Variants in LRRC4B observed in about 807,000 individuals in gnomAD.
LRRC4B encodes the protein leucine-rich repeat-containing protein 4B.
Under a neutral mutation model 7.3 loss-of-function variants are expected in LRRC4B, and 1 was observed. The ratio of observed to expected loss-of-function variants is 0.14; its 90% confidence interval spans 0.05 to 0.65. LRRC4B has a LOEUF of 0.65. LRRC4B is among the 30% of genes least tolerant of loss of function. The pLI, the probability that LRRC4B is intolerant of heterozygous loss-of-function variation, is 0.84. For synonymous variants in LRRC4B, 500 were observed against 499.2 expected, an observed-to-expected ratio of 1.00 and a Z score of -0.02; for missense variants, 730 against 1,041.6, an observed-to-expected ratio of 0.70 and a Z score of 4.12.
At position 50,548,932 on chromosome 19, in the gene LRRC4B, T is replaced by G. The variant is rs11880112; in HGVS notation, c.-35-59A>C. The G allele has an allele frequency of 9.7e-6, 9 of 931,924 alleles. No individual in the cohort carries two copies. The highest frequency in any genetic ancestry group is 1.7e-5 in the African/African-American group (1 of 59,258). The allele number at this position is 931,924 out of a possible 1,614,324, so 57.7% of individuals were successfully genotyped here. A position where few individuals can be genotyped will look rare whatever the true frequency, so the allele number is the denominator to read the frequency against. ...GTGAGGGACAGGAGCCCATGTGGCCTGGGTGCTTGCCAACACCCAGGCAGC... is the reference window on the plus strand; with the variant it reads ...GTGAGGGACAGGAGCCCATGTGGCCGGGGTGCTTGCCAACACCCAGGCAGC... On this transcript the variant is annotated intron_variant, in intron 1 of 2. Coordinates refer to ENST00000652263, the MANE Select transcript of LRRC4B (RefSeq NM_001080457.2). The surrounding 1 kb of genome is among the most constrained non-coding windows in gnomAD (Gnocchi z 6.8).
intron 2 of LRRC4B, among the ~76,000 whole-genome samples, chr19:50,536,542 G>A (rs1055346163): frequency 6.6e-6 from 1 of 152,154 alleles, no homozygotes; most frequent in Non-Finnish European, 1.5e-5. Context: ...CACACACTAG[G>A]TGCTCAATAA....
intron 2 of LRRC4B, among the ~76,000 whole-genome samples, chr19:50,535,445 T>TA (rs2122843537): frequency 1.3e-5 from 2 of 152,340 alleles, no homozygotes; most frequent in South Asian, 4.1e-4. Flanking sequence ...GTGCTGGGAT[T>TA]ACAGACGTGA....
In LRRC4B at chr19:50,518,316, C is replaced by A. The variant is rs1323079796; in HGVS notation, c.1397G>T (p.Ser466Ile). 1 of 1,605,858 alleles carries A rather than the reference C, an allele frequency of 6.2e-7. No homozygotes were observed. The highest frequency in any genetic ancestry group is 8.5e-7 in the Non-Finnish European group (1 of 1,177,056). Residue 466 changes from serine to isoleucine, a missense_variant, in exon 3 of 3, where the codon AGC (serine) becomes ATC (isoleucine). Ser to Ile is a moderately radical substitution (Grantham distance 142). Transcript: ENST00000652263. ...VDPVAAGGTG[S>I]GGGGPGGSGG... The stretch of plus-strand genomic sequence containing the variant: ...ACTGCCCCCAGGGCCGCCCCCGCCG[C>A]TGCCGGTGCCCCCGGCCGCCACGGG...
intron 2 of LRRC4B, among the ~76,000 whole-genome samples, chr19:50,536,308 AT>A (rs1444431644): frequency 6.6e-6 from 1 of 151,928 alleles, no homozygotes; most frequent in African/African-American, 2.4e-5. Context: ...TAATTTTTGT[AT>A]TTTTAGTAGA....
At chr19:50,527,806 A>T (rs1483309596) in intron 2 of LRRC4B, among the ~76,000 whole-genome samples, 2 of 138,434 alleles carry the variant, frequency 1.4e-5, no homozygotes, top group Non-Finnish European at 3.0e-5. Flanking sequence ...CGGTGGCACG[A>T]TCTCAGCTCA....
rs1323118272 is a variant in LRRC4B at position 50,553,001 on chromosome 19, C to T, written c.-35-4128G>A. Among the ~76,000 whole-genome samples the T allele has an allele frequency of 6.6e-6, 1 of 152,218 alleles. No homozygotes were observed. The highest frequency in any genetic ancestry group is 1.5e-5 in the Non-Finnish European group (1 of 68,038). ...GCTTATTCTCCCAAGCTGCAGTTCC[C>T]TCCACTGTGAAACAGGGATAATGGG... is the stretch of plus-strand genomic sequence containing the variant. On this transcript the variant is annotated intron_variant, in intron 1 of 2. Coordinates refer to ENST00000652263, the MANE Select transcript of LRRC4B (RefSeq NM_001080457.2). This position sits in a 1 kb window ranked among gnomAD's most constrained non-coding sequence, Gnocchi z 4.2.
At chr19:50,538,554 G>A (rs958726138) in intron 2 of LRRC4B, among the ~76,000 whole-genome samples, 1 of 119,856 alleles carries the variant, frequency 8.3e-6, no homozygotes, top group African/African-American at 3.1e-5. Flanking sequence ...TTTGGGTTTT[G>A]TCTTGTTTTT....
intron 2 of LRRC4B, among the ~76,000 whole-genome samples, chr19:50,540,910 G>A (rs1478122717): frequency 2.6e-5 from 4 of 151,870 alleles, no homozygotes; most frequent in Admixed American, 2.0e-4. Flanking sequence ...CCGGCCGGGC[G>A]TGGTGGCTCA....
intron 1 of LRRC4B, among the ~76,000 whole-genome samples, chr19:50,562,406 A>G (rs932526526): frequency 5.9e-5 from 9 of 152,218 alleles, no homozygotes; most frequent in Non-Finnish European, 1.3e-4. Context: ...AAAAATCCAC[A>G]TAAGAGACTG....
At position 50,517,966 on chromosome 19, in the gene LRRC4B, C is replaced by T; in HGVS notation, c.1747G>A (p.Val583Met). ...ACCGCGGCCATGAACGTGATGGCCA[C>T]GAAGCAGCCGATGATGATTTTGGTG... is the stretch of plus-strand genomic sequence containing the variant. ...KTTKIIIGCF[V>M]AITFMAAVML... The change falls in exon 3 of 3, where the codon GTG becomes ATG. Residue 583 changes from valine (V) to methionine (M), a missense_variant. By Grantham distance (21) the Val-to-Met change is conservative. Around this residue, in one of 6 missense-constraint regions of LRRC4B, gnomAD observed 4 missense variants for 24.1 expected, o/e 0.17. Transcript: ENST00000652263. This position sits in a 1 kb window ranked among gnomAD's most constrained non-coding sequence, Gnocchi z 6.6. 1 of 1,542,448 alleles carries T rather than the reference C, an allele frequency of 6.5e-7. No homozygotes were observed.
intron 2 of LRRC4B, among the ~76,000 whole-genome samples, chr19:50,542,364 C>G (rs1981588193): frequency 6.6e-6 from 1 of 152,184 alleles, no homozygotes; most frequent in Non-Finnish European, 1.5e-5. Context: ...GAGGCAGTCT[C>G]CTGGCCTCTG....
chr19:50,551,471 CCTCGACT>C (rs1176073785), intron 1 of LRRC4B, among the ~76,000 whole-genome samples: 5 of 147,448 alleles, frequency 3.4e-5, no homozygotes, highest in Admixed American at 3.4e-4. Context: ...CCCACCTCTA[CCTCGACT>C]CTCCCCCGAC....
rs1568715320 is a variant in LRRC4B, at chr19:50,519,260, C to T, written c.453G>A (p.Thr151=). The T allele has an allele frequency of 2.5e-6, 4 of 1,614,100 alleles. No individual in the cohort carries two copies. Among genetic ancestry groups the T allele is most frequent in the East Asian group, 2.2e-5 (1 of 44,882 alleles). ...LFDNRLTTVP[T]QAFEYLSKLR... is the part of the protein sequence containing the mutation. ...GCTTGGACAGGTACTCGAAGGCCTGCGTGGGCACCGTGGTCAGCCGGTTGT... is the reference window on the plus strand; with the variant it reads ...GCTTGGACAGGTACTCGAAGGCCTGTGTGGGCACCGTGGTCAGCCGGTTGT... The change falls in exon 3 of 3, where the codon ACG becomes ACA. Residue 151 remains threonine (T), a synonymous_variant. Transcript: ENST00000652263. This position sits in a 1 kb window ranked among gnomAD's most constrained non-coding sequence, Gnocchi z 8.1.
chr19:50,541,181 CT>C (rs1226092236), intron 2 of LRRC4B, among the ~76,000 whole-genome samples: 1 of 145,266 alleles, frequency 6.9e-6, no homozygotes, highest in African/African-American at 2.6e-5. Context: ...GAGGCTCTGT[CT>C]CAAAAAAAAA....
chr19:50,518,608 G>C lies in LRRC4B; in HGVS notation c.1105C>G (p.Pro369Ala). The C allele has an allele frequency of 6.2e-7, 1 of 1,601,526 alleles. No individual in the cohort carries two copies. The highest frequency in any genetic ancestry group is 8.5e-7 in the Non-Finnish European group (1 of 1,171,820). Residue 369 changes from proline (P) to alanine (A), a missense_variant, in exon 3 of 3, where the codon CCG becomes GCG. By Grantham distance (27) the Pro-to-Ala change is conservative. This residue lies in a region of LRRC4B where 226 missense variants were observed against 448.0 expected (regional missense o/e 0.50). Transcript: ENST00000652263. The stretch of plus-strand genomic sequence containing the variant: ...TCGGTGACGTTGAGGTCCGTGGGCG[G>C]CTCCACGATGACGGGCGCATAGCAG... ...FTCYAPVIVE[P>A]PTDLNVTEGM...
rs1183659606 is a variant in LRRC4B, at chr19:50,517,500, C to T, written c.*71G>A. 31 of 1,302,468 alleles carry T rather than the reference C, an allele frequency of 2.4e-5. No homozygotes were observed. The highest frequency in any genetic ancestry group is 3.0e-5 in the Non-Finnish European group (30 of 1,014,314). The allele number at this position is 1,302,468 out of a possible 1,614,324, so 80.7% of individuals were successfully genotyped here. A position where few individuals can be genotyped will look rare whatever the true frequency, so the allele number is the denominator to read the frequency against. ...GCTGGGCTGTGGGAGGGAGGGGTCC[C>T]GGTCAGGCTGCGCCCGGGCTGGGAC... On this transcript the variant is annotated 3_prime_UTR_variant, in exon 3 of 3. Transcript: ENST00000652263. This position sits in a 1 kb window ranked among gnomAD's most constrained non-coding sequence, Gnocchi z 6.6.
At position 50,532,957 on chromosome 19, in the gene LRRC4B, C is replaced by T. The variant is rs202087769; in HGVS notation, c.298-13542G>A. ...ACATCAATATGACAGAACTTGGGAA[C>T]GGAAAAGCATTGGTGTTCTGCTTCC... On this transcript the variant is annotated intron_variant, in intron 2 of 2. Coordinates refer to ENST00000652263, the MANE Select transcript of LRRC4B (RefSeq NM_001080457.2). 3.5e-4 allele frequency among the ~76,000 whole-genome samples: 53 copies of T among 152,300 alleles called. No homozygotes were observed. In the East Asian group the frequency reaches 7.9e-3, roughly 23 times the overall value.
chr19:50,559,424 ACT>A (rs904640881), intron 1 of LRRC4B, among the ~76,000 whole-genome samples: 4 of 151,950 alleles, frequency 2.6e-5, no homozygotes, highest in African/African-American at 7.3e-5. Flanking sequence ...ACAGAGCGAG[ACT>A]CTGTCTGAAA....
At chr19:50,566,482 G>A (rs1448652895) in intron 1 of LRRC4B, among the ~76,000 whole-genome samples, 3 of 151,782 alleles carry the variant, frequency 2.0e-5, no homozygotes, top group African/African-American at 7.3e-5. Flanking sequence ...CAGAGGCTGC[G>A]GGGAGGGGGC....
Sources: allele counts gnomAD v4.1 joint callset (sites outside exome capture counted in the v4.1 genomes callset), GRCh38; gene constraint gnomAD v4.1.1; regional missense constraint gnomAD v4.1.1; non-coding constraint Gnocchi (gnomAD v3.1); transcripts MANE v1.5; gene names NCBI Gene and HGNC (gene_info 2026-07-23, HGNC 2026-07-21).